The following WWOX variants were observed in gnomAD, a reference collection of about 807,000 sequenced individuals.
WWOX encodes the protein WW domain-containing oxidoreductase.
WWOX carries 69 observed loss-of-function variants against 46.2 expected under a neutral mutation model. That is an observed-to-expected ratio of 1.49 (90% CI 1.23 to 1.82). The LOEUF is 1.82. WWOX is among the 40% of genes most tolerant of loss of function. The pLI is 0.00. For missense variants in WWOX, 919 were observed against 542.6 expected (o/e 1.69, Z -6.89); for synonymous variants, 359 against 202.6 (o/e 1.77, Z -6.56).
chr16:78,857,898 G>T (rs1337053075), intron 8 of WWOX, among the ~76,000 whole-genome samples: 4 of 152,120 alleles, frequency 2.6e-5, no homozygotes, highest in African/African-American at 9.7e-5. Flanking sequence ...ATTCCATTCT[G>T]TACCAGAAAA....
intron 5 of WWOX, chr16:78,167,105 A>G (rs933767389): frequency 3.9e-5 from 6 of 152,266 alleles, no homozygotes; most frequent in African/African-American, 7.2e-5. Context: ...ATGCTGTAGC[A>G]CAACTGTTTT....
At chr16:78,227,010 A>G (rs374924709) in intron 5 of WWOX, among the ~76,000 whole-genome samples, 6 of 152,178 alleles carry the variant, frequency 3.9e-5, no homozygotes, top group African/African-American at 1.4e-4. Context: ...TACCATTGGC[A>G]TGTGCTTCTC....
chr16:79,163,376 A>C (rs1271867724), intron 8 of WWOX, among the ~76,000 whole-genome samples: 1 of 152,236 alleles, frequency 6.6e-6, no homozygotes, highest in Non-Finnish European at 1.5e-5. Context: ...GCCTCAGTTT[A>C]GTAGAAGTAG....
intron 8 of WWOX, among the ~76,000 whole-genome samples, chr16:78,701,589 C>T (rs1410671007): frequency 6.6e-6 from 1 of 152,014 alleles, no homozygotes; most frequent in African/African-American, 2.4e-5. Context: ...CAACATATAT[C>T]TCCCTCTCCC....
intron 8 of WWOX, among the ~76,000 whole-genome samples, chr16:78,788,113 A>G (rs1195868072): frequency 6.6e-5 from 10 of 152,068 alleles, no homozygotes; most frequent in Admixed American, 2.0e-4. Context: ...TACTCTTTTT[A>G]TAGTGTCTTT....
intron 5 of WWOX, among the ~76,000 whole-genome samples, chr16:78,183,802 C>A (rs934421229): frequency 2.0e-5 from 3 of 152,246 alleles, no homozygotes; most frequent in Non-Finnish European, 2.9e-5. Flanking sequence ...CAGTGCCACA[C>A]AGAGCCTCCC....
At chr16:78,272,218 G>A (rs2079491335) in intron 5 of WWOX, among the ~76,000 whole-genome samples, 1 of 152,176 alleles carries the variant, frequency 6.6e-6, no homozygotes, top group Non-Finnish European at 1.5e-5. Context: ...TGCTATGCTG[G>A]AGGATGAATT....
chr16:78,704,202 A>C (rs998874453), intron 8 of WWOX, among the ~76,000 whole-genome samples: 1 of 151,868 alleles, frequency 6.6e-6, no homozygotes, highest in Non-Finnish European at 1.5e-5. Flanking sequence ...CTGAGCCTCA[A>C]CATCTGTCTA....
chr16:78,221,762 T>C (rs1042135203), intron 5 of WWOX, among the ~76,000 whole-genome samples: 2 of 152,214 alleles, frequency 1.3e-5, no homozygotes, highest in Non-Finnish European at 2.9e-5. Flanking sequence ...CATTCATGTG[T>C]AATCCCGTAT....
At chr16:78,267,231 C>G (rs1279483590) in intron 5 of WWOX, 3 of 152,102 alleles carry the variant, frequency 2.0e-5, no homozygotes, top group Non-Finnish European at 2.9e-5. Flanking sequence ...ACACATGTAC[C>G]CACACACACG....
At chr16:78,775,530 G>C (rs1186936613) in intron 8 of WWOX, among the ~76,000 whole-genome samples, 1 of 152,142 alleles carries the variant, frequency 6.6e-6, no homozygotes, top group Non-Finnish European at 1.5e-5. Context: ...GGTATCAAGG[G>C]AGAGTATGGG....
At chr16:79,102,475 C>A (rs1238338217) in intron 8 of WWOX, among the ~76,000 whole-genome samples, 1 of 152,164 alleles carries the variant, frequency 6.6e-6, no homozygotes, top group South Asian at 2.1e-4. Flanking sequence ...TGAGAGAATG[C>A]CTGCTGTCTG....
intron 8 of WWOX, among the ~76,000 whole-genome samples, chr16:78,801,548 G>T (rs1173192367): frequency 1.6e-4 from 24 of 152,240 alleles, no homozygotes; most frequent in Non-Finnish European, 1.2e-4. Context: ...TTCCGATGAG[G>T]ATATTTATCC....
chr16:78,727,294 G>A (rs1335910967), intron 8 of WWOX, among the ~76,000 whole-genome samples: 1 of 152,210 alleles, frequency 6.6e-6, no homozygotes, highest in Non-Finnish European at 1.5e-5. Context: ...AGCTGCTAGG[G>A]AGGCTGAGGC....
chr16:78,242,002 G>C (rs1407549885), intron 5 of WWOX, among the ~76,000 whole-genome samples: 2 of 152,202 alleles, frequency 1.3e-5, no homozygotes, highest in African/African-American at 4.8e-5. Context: ...ATTTGAGGCT[G>C]AGAAATGGAA....
At chr16:78,391,500 T>TTG (rs2151937593) in intron 6 of WWOX, among the ~76,000 whole-genome samples, 1 of 152,328 alleles carries the variant, frequency 6.6e-6, no homozygotes, top group Non-Finnish European at 1.5e-5. Flanking sequence ...TTTGCACACT[T>TTG]CAGTCATAGG....
chr16:78,978,508 C>G (rs527944390), intron 8 of WWOX, among the ~76,000 whole-genome samples: 1 of 152,276 alleles, frequency 6.6e-6, no homozygotes, highest in Admixed American at 6.5e-5. Context: ...TCAGTCTATT[C>G]TGGCACTGCT....
At chr16:78,211,946 A>G (rs573202201) in intron 5 of WWOX, among the ~76,000 whole-genome samples, 4 of 152,336 alleles carry the variant, frequency 2.6e-5, no homozygotes, top group Admixed American at 1.3e-4. Context: ...GAGATAATGC[A>G]TGTTAACATC....
chr16:79,037,516 C>T (rs192250521), intron 8 of WWOX, among the ~76,000 whole-genome samples: 1 of 152,078 alleles, frequency 6.6e-6, no homozygotes, highest in Non-Finnish European at 1.5e-5. Context: ...CAGCTGTCAC[C>T]TTCCCAAAGT....
Sources: gnomAD v4.1 joint callset for allele counts (sites outside exome capture counted in the v4.1 genomes callset) on GRCh38, gnomAD v4.1.1 for gene constraint, MANE v1.5 for transcripts, NCBI Gene and HGNC (gene_info 2026-07-23, HGNC 2026-07-21) for gene names.